The following SLC38A8 variants were observed in gnomAD, a reference collection of about 807,000 sequenced individuals.
SLC38A8 encodes solute carrier family 38 member 8, also known as amino acid transporter SLC38A8.
A neutral mutation model predicts 46.0 loss-of-function variants in SLC38A8; 65 were observed. That is an observed-to-expected ratio of 1.41 (90% confidence interval 1.16 to 1.74). SLC38A8 has a LOEUF of 1.74. Among genes scored for constraint, SLC38A8 ranks in the 40% most tolerant of loss-of-function variants. The probability of loss-of-function intolerance (pLI) is 0.00; values close to 1 mark genes in which losing one functional copy is unlikely to be tolerated. For missense variants in SLC38A8, 998 were observed against 567.9 expected, an observed-to-expected ratio of 1.76 and a Z score of -7.70; for synonymous variants, 447 against 243.7, an observed-to-expected ratio of 1.83 and a Z score of -7.77.
chr16:84,023,294 G>T (rs1202284221), intron 6 of SLC38A8, among the ~76,000 whole-genome samples: 3 of 152,110 alleles, frequency 2.0e-5, no homozygotes, highest in Non-Finnish European at 2.9e-5. Context: ...CCAGCCAATG[G>T]GAAAAGGGTA....
Position 84,036,810 on chromosome 16 carries a change from C to CCCTGACCACACCCTGGTAGGTGG in SLC38A8, c.257_279dup (p.Gly94ProfsTer29). 1 of 1,614,100 alleles carries CCCTGACCACACCCTGGTAGGTGG rather than the reference C, an allele frequency of 6.2e-7. No homozygotes were observed. The highest frequency in any genetic ancestry group is 8.5e-7 in the Non-Finnish European group (1 of 1,180,026). ...TTCCCAATGGCAGGGCCACACAGCCCCCTGACCACACCCTGGTAGGTGGCC... is the reference window on the plus strand; with the variant it reads ...TTCCCAATGGCAGGGCCACACAGCCCCCTGACCACACCCTGGTAGGTGGCCTGACCACACCCTGGTAGGTGGCC... On this transcript the variant is annotated frameshift_variant, in exon 3 of 11. Transcript: ENST00000299709. LOFTEE classifies it high-confidence loss of function.
At chr16:84,018,285 T>C (rs960242134) in intron 7 of SLC38A8, among the ~76,000 whole-genome samples, 1 of 136,490 alleles carries the variant, frequency 7.3e-6, no homozygotes, top group African/African-American at 2.8e-5. Flanking sequence ...CAGGCTGGAG[T>C]GCAGTGGCAC....
chr16:84,019,636 G>T (rs977714744), intron 7 of SLC38A8, among the ~76,000 whole-genome samples: 1 of 152,144 alleles, frequency 6.6e-6, no homozygotes, highest in Non-Finnish European at 1.5e-5. Flanking sequence ...AATACCCCAT[G>T]GTTATTCCAA....
intron 3 of SLC38A8, among the ~76,000 whole-genome samples, chr16:84,034,414 T>C (rs899768293): frequency 2.0e-5 from 3 of 152,068 alleles, no homozygotes; most frequent in African/African-American, 2.4e-5. Flanking sequence ...TTGGAACCCA[T>C]CTAAGAGGTA....
intron 7 of SLC38A8, among the ~76,000 whole-genome samples, chr16:84,020,289 T>A (rs1022925393): frequency 2.6e-5 from 4 of 152,072 alleles, no homozygotes; most frequent in African/African-American, 9.7e-5. Flanking sequence ...AACTACAGGC[T>A]CACACCACTA....
chr16:84,014,629 A>G (rs1418162008), intron 9 of SLC38A8, among the ~76,000 whole-genome samples: 1 of 152,234 alleles, frequency 6.6e-6, no homozygotes, highest in Admixed American at 6.5e-5. Context: ...GGGCAGAGCC[A>G]GGAGCAGAGT....
intron 9 of SLC38A8, among the ~76,000 whole-genome samples, chr16:84,013,832 G>C (rs1231738578): frequency 2.0e-5 from 3 of 151,804 alleles, no homozygotes; most frequent in African/African-American, 7.3e-5. Context: ...GTCCTGGGCA[G>C]TCCTTCCCAC....
At position 84,021,769 on chromosome 16, in the gene SLC38A8, G is replaced by C. The variant is rs188772319; in HGVS notation, c.805+1006C>G. 1.1e-4 allele frequency among the ~76,000 whole-genome samples: 17 copies of C among 152,340 alleles called. No homozygotes were observed. In the East Asian group the frequency reaches 3.3e-3, roughly 29 times the overall value. ...TGGTTACAACAGAATGCCTGAAATT[G>C]AGTAATTTATACAGAAAGGAAATTT... On this transcript the variant is annotated intron_variant, in intron 7 of 10. Transcript: ENST00000299709.
At chr16:84,029,965 G>A (rs929145331) in intron 5 of SLC38A8, among the ~76,000 whole-genome samples, 5 of 152,182 alleles carry the variant, frequency 3.3e-5, no homozygotes, top group African/African-American at 1.2e-4. Context: ...AGAGGACAGA[G>A]GTCTGCGTGG....
rs574175485 is a variant in SLC38A8, at chr16:84,025,577, C to T, written c.691-2688G>A. 2.1e-3 allele frequency among the ~76,000 whole-genome samples: 315 copies of T among 152,244 alleles called. 1 individual carries two copies. Among genetic ancestry groups the T allele is most frequent in the Middle Eastern group, 0.014 (4 of 294 alleles). ...CTTGGGCCAGGATCGGAGCCTGCACCGAGCTGAATAAACACTACAGGGCTT... is the reference window on the plus strand; with the variant it reads ...CTTGGGCCAGGATCGGAGCCTGCACTGAGCTGAATAAACACTACAGGGCTT... On this transcript the variant is annotated intron_variant, in intron 6 of 10. Coordinates refer to ENST00000299709, the MANE Select transcript of SLC38A8 (RefSeq NM_001080442.3).
At chr16:84,014,663 C>G (rs1212356185) in intron 9 of SLC38A8, among the ~76,000 whole-genome samples, 1 of 152,254 alleles carries the variant, frequency 6.6e-6, no homozygotes, top group African/African-American at 2.4e-5. Flanking sequence ...CCTCCCCTCC[C>G]TTCACTTCAC....
At chr16:84,024,815 G>GTAACTAGGATTACAGGTGCTTGCC (rs2085142606) in intron 6 of SLC38A8, among the ~76,000 whole-genome samples, 3 of 152,178 alleles carry the variant, frequency 2.0e-5, no homozygotes, top group Admixed American at 2.0e-4. Context: ...TCAGCCTTCC[G>GTAACTAGGATTACAGGTGCTTGCC]AGTAGCTGGG....
At chr16:84,030,604 C>G (rs963772281) in intron 5 of SLC38A8, among the ~76,000 whole-genome samples, 1 of 152,104 alleles carries the variant, frequency 6.6e-6, no homozygotes, top group Non-Finnish European at 1.5e-5. Flanking sequence ...CCTGCTCAGT[C>G]CTCTCTAATC....
intron 5 of SLC38A8, among the ~76,000 whole-genome samples, chr16:84,029,812 G>A (rs529422224): frequency 4.6e-5 from 7 of 152,180 alleles, no homozygotes; most frequent in Non-Finnish European, 7.4e-5. Flanking sequence ...CAGGAAAACC[G>A]CAGTAGGAAC....
chr16:84,022,816 A>G lies in SLC38A8; in HGVS notation c.764T>C (p.Val255Ala), dbSNP rs2085110487. The G allele has an allele frequency of 1.2e-6, 2 of 1,613,914 alleles. No homozygotes were observed. Among genetic ancestry groups the G allele is most frequent in the East Asian group, 2.2e-5 (1 of 44,878 alleles). ...GAGGCAGCAGGCCAGCAAGGACAGC[A>G]CAGACACCAGGGCCCAGTGGGAGAG... ...RSLSHWALVSVLSLLACCLIY... is the reference protein window; with the variant it reads ...RSLSHWALVSALSLLACCLIY... Residue 255 changes from valine (V) to alanine (A), a missense_variant, in exon 7 of 11, where the codon GTG becomes GCG. Coordinates refer to ENST00000299709, the MANE Select transcript of SLC38A8 (RefSeq NM_001080442.3).
intron 10 of SLC38A8, among the ~76,000 whole-genome samples, chr16:84,012,020 C>A (rs1043529605): frequency 9.2e-5 from 14 of 152,160 alleles, no homozygotes; most frequent in Non-Finnish European, 1.9e-4. Flanking sequence ...GAAGCTGAGG[C>A]GCCTTCAGAG....
intron 9 of SLC38A8, among the ~76,000 whole-genome samples, chr16:84,014,172 T>C (rs115785335): frequency 0.022 from 3,090 of 143,108 alleles, 97 homozygotes; most frequent in African/African-American, 0.075. Flanking sequence ...ACCCCTCACC[T>C]CTGAAAGCCC....
chr16:84,028,096 A>G (rs1468118161), intron 6 of SLC38A8, among the ~76,000 whole-genome samples: 1 of 151,938 alleles, frequency 6.6e-6, no homozygotes, highest in Non-Finnish European at 1.5e-5. Context: ...GGCAAGATGA[A>G]GAACAGAAGC....
rs943432484 is a variant in SLC38A8 at position 84,029,521 on chromosome 16, G to C, written c.663C>G (p.Val221=). The C allele has an allele frequency of 3.1e-6, 5 of 1,614,174 alleles. No individual in the cohort carries two copies. The Admixed American group carries it at 5.0e-5, about 16-fold the overall frequency. The change falls in exon 6 of 11, where the codon GTC becomes GTG. Residue 221 remains valine (V), a synonymous_variant. Coordinates refer to ENST00000299709, the MANE Select transcript of SLC38A8 (RefSeq NM_001080442.3). ...GAAACCCGAAGCAGATGGTGGGGAA[G>C]ACACTGAACACAGAGGTCCAGGAGG... ...SPASWTSVFS[V]FPTICFGFQC...
Sources: allele counts gnomAD v4.1 joint callset (sites outside exome capture counted in the v4.1 genomes callset), GRCh38; gene constraint gnomAD v4.1.1; transcripts MANE v1.5; gene names NCBI Gene and HGNC (gene_info 2026-07-23, HGNC 2026-07-21).